RABGAP1L: variants seen among roughly 807,000 people sequenced by gnomAD.
RABGAP1L encodes the protein RAB GTPase activating protein 1 like, also known as rab GTPase-activating protein 1-like.
RABGAP1L carries 63 observed loss-of-function variants against 137.7 expected under a neutral mutation model. That is an observed-to-expected ratio of 0.46 (90% CI 0.37 to 0.56). The LOEUF (loss-of-function observed/expected upper bound fraction) is 0.56, where lower values mean the gene tolerates loss of function less well. RABGAP1L is among the 20% of genes least tolerant of loss of function. RABGAP1L has a pLI of 0.00. For synonymous variants in RABGAP1L, 431 were observed against 433.7 expected (o/e 0.99, Z 0.08); for missense variants, 1,095 against 1,244.0 (o/e 0.88, Z 1.80).
intron 13 of RABGAP1L, among the ~76,000 whole-genome samples, chr1:174,613,557 C>T (rs967818735): frequency 2.0e-5 from 3 of 152,150 alleles, no homozygotes; most frequent in Non-Finnish European, 2.9e-5. Flanking sequence ...GAGAGTTCTG[C>T]AGATGGCTGT....
intron 13 of RABGAP1L, among the ~76,000 whole-genome samples, chr1:174,615,390 G>C (rs1671724599): frequency 6.6e-6 from 1 of 152,200 alleles, no homozygotes; most frequent in African/African-American, 2.4e-5. Context: ...CAGAACTGCG[G>C]ATTTTCGTGA....
intron 13 of RABGAP1L, among the ~76,000 whole-genome samples, chr1:174,587,516 A>T (rs1346388997): frequency 6.6e-6 from 1 of 151,994 alleles, no homozygotes; most frequent in East Asian, 1.9e-4. Flanking sequence ...CACGTCTTCC[A>T]ATTAAATAAT....
At chr1:174,240,364 G>T (rs1470895714) in intron 4 of RABGAP1L, among the ~76,000 whole-genome samples, 1 of 152,030 alleles carries the variant, frequency 6.6e-6, no homozygotes, top group Non-Finnish European at 1.5e-5. Context: ...CTCATACCTC[G>T]GCCTCCTGAA....
intron 17 of RABGAP1L, among the ~76,000 whole-genome samples, chr1:174,743,733 A>G (rs1683643527): frequency 6.6e-6 from 1 of 152,090 alleles, no homozygotes. Flanking sequence ...AAAGACTTCT[A>G]GATTTTGTAG....
chr1:174,805,220 T>G (rs2148836555), intron 18 of RABGAP1L, among the ~76,000 whole-genome samples: 1 of 152,284 alleles, frequency 6.6e-6, no homozygotes, highest in South Asian at 2.1e-4. Flanking sequence ...ATCACTGGGG[T>G]AAGTGCAAAG....
At chr1:174,320,525 G>A (rs982214708) in intron 11 of RABGAP1L, among the ~76,000 whole-genome samples, 1 of 152,124 alleles carries the variant, frequency 6.6e-6, no homozygotes, top group African/African-American at 2.4e-5. Context: ...GTGAATTGTT[G>A]CGGGAAGTCA....
chr1:174,217,876 A>G (rs1347706842), intron 1 of RABGAP1L, among the ~76,000 whole-genome samples: 1 of 152,182 alleles, frequency 6.6e-6, no homozygotes, highest in Admixed American at 6.5e-5. Flanking sequence ...TTTTATTGCC[A>G]AGAGTAATGG....
intron 13 of RABGAP1L, among the ~76,000 whole-genome samples, chr1:174,612,135 G>C (rs1315738947): frequency 6.6e-6 from 1 of 152,162 alleles, no homozygotes; most frequent in Admixed American, 6.6e-5. Context: ...TCTTGCACCT[G>C]TTTTCAAAGG....
intron 11 of RABGAP1L, among the ~76,000 whole-genome samples, chr1:174,354,664 A>C (rs1683465971): frequency 6.6e-6 from 1 of 152,142 alleles, no homozygotes; most frequent in Non-Finnish European, 1.5e-5. Flanking sequence ...CTTTAGTTTA[A>C]TTAGATCCCA....
chr1:174,261,014 G>A (rs1440652957), intron 7 of RABGAP1L, among the ~76,000 whole-genome samples: 1 of 151,908 alleles, frequency 6.6e-6, no homozygotes, highest in Non-Finnish European at 1.5e-5. Context: ...ACATGAAGAG[G>A]TTCCAATAAT....
intron 23 of RABGAP1L, among the ~76,000 whole-genome samples, chr1:174,980,180 T>A (rs939057682): frequency 6.6e-6 from 1 of 151,184 alleles, no homozygotes; most frequent in African/African-American, 2.4e-5. Context: ...TTGTTTATCC[T>A]TTTTTTTTGT....
chr1:174,679,706 A>G (rs945415747), intron 14 of RABGAP1L, among the ~76,000 whole-genome samples: 1 of 152,240 alleles, frequency 6.6e-6, no homozygotes, highest in African/African-American at 2.4e-5. Flanking sequence ...GGAGAGAGAT[A>G]TATCAGGTTC....
rs36118395 is a variant in RABGAP1L, at chr1:174,777,663, CA to C, written c.2211+25316del. 4.6e-5 allele frequency among the ~76,000 whole-genome samples: 7 copies of C among 151,488 alleles called. No homozygotes were observed. In the East Asian group the frequency reaches 1.2e-3, roughly 25 times the overall value. On this transcript the variant is annotated intron_variant, in intron 18 of 25. Transcript: ENST00000681986. ...ATACTGTAACTTTATTCCATATGTT[CA>C]AAAAAATAAGTAAAGAAATGCAAGA...
intron 14 of RABGAP1L, among the ~76,000 whole-genome samples, chr1:174,670,303 G>A (rs1162627780): frequency 6.6e-6 from 1 of 151,944 alleles, no homozygotes; most frequent in Non-Finnish European, 1.5e-5. Context: ...GGATACATGA[G>A]ATGTTTTGAT....
intron 17 of RABGAP1L, among the ~76,000 whole-genome samples, chr1:174,723,473 A>G (rs983256940): frequency 4.6e-5 from 7 of 152,236 alleles, no homozygotes; most frequent in African/African-American, 1.7e-4. Context: ...ATAAGGTCGT[A>G]AGAACAGGTA....
At chr1:174,503,656 G>C (rs201933097) in intron 13 of RABGAP1L, among the ~76,000 whole-genome samples, 1 of 2,598 alleles carries the variant, frequency 3.8e-4, no homozygotes, top group South Asian at 0.017. Context: ...GCGAGACTCC[G>C]TCAAAAAAAA....
At chr1:174,956,902 C>T (rs1668591196) in intron 19 of RABGAP1L, among the ~76,000 whole-genome samples, 1 of 152,148 alleles carries the variant, frequency 6.6e-6, no homozygotes, top group Non-Finnish European at 1.5e-5. Flanking sequence ...CCCACCTCAG[C>T]CTCCCAAAGT....
At chr1:174,983,994 T>TG (rs1250545329) in intron 24 of RABGAP1L, among the ~76,000 whole-genome samples, 29 of 149,590 alleles carry the variant, frequency 1.9e-4, no homozygotes, top group African/African-American at 6.7e-4. Flanking sequence ...ATTCAGTTGA[T>TG]GAAGTTGAAT....
At chr1:174,737,755 G>A (rs1033604290) in intron 17 of RABGAP1L, among the ~76,000 whole-genome samples, 1 of 152,180 alleles carries the variant, frequency 6.6e-6, no homozygotes, top group Admixed American at 6.5e-5. Context: ...TACAGGCATG[G>A]CACCAACATC....
Sources: gnomAD v4.1 joint callset for allele counts (sites outside exome capture counted in the v4.1 genomes callset) on GRCh38, gnomAD v4.1.1 for gene constraint, MANE v1.5 for transcripts, NCBI Gene and HGNC (gene_info 2026-07-23, HGNC 2026-07-21) for gene names.